The following SNTG1 variants were observed in gnomAD, a reference collection of about 807,000 sequenced individuals.
The protein encoded by SNTG1 is syntrophin gamma 1, also known as gamma-1-syntrophin.
Under a neutral mutation model 74.7 loss-of-function variants are expected in SNTG1, and 39 were observed. That is an observed-to-expected ratio of 0.52 (90% CI 0.40 to 0.68). The LOEUF is 0.68. Ranked by LOEUF, SNTG1 falls within the 30% of genes least tolerant of loss-of-function variation. The pLI, the probability that SNTG1 is intolerant of heterozygous loss-of-function variation, is 0.00. For missense variants in SNTG1, 685 were observed against 609.5 expected (o/e 1.12, Z -1.30); for synonymous variants, 254 against 217.1 (o/e 1.17, Z -1.49).
chr8:50,701,770 T>C (rs937097660), intron 15 of SNTG1, among the ~76,000 whole-genome samples: 4 of 148,034 alleles, frequency 2.7e-5, no homozygotes, highest in South Asian at 2.2e-4. Context: ...CTTCTTCTTC[T>C]TCTTTCTCTT....
chr8:49,954,547 T>C (rs1479566428), intron 1 of SNTG1, among the ~76,000 whole-genome samples: 5 of 152,190 alleles, frequency 3.3e-5, no homozygotes, highest in Admixed American at 1.3e-4. Flanking sequence ...CTGTATTTTC[T>C]CTGCAGTTTC....
intron 2 of SNTG1, among the ~76,000 whole-genome samples, chr8:50,208,917 A>G (rs2084376401): frequency 1.3e-5 from 2 of 152,190 alleles, no homozygotes; most frequent in Non-Finnish European, 1.5e-5. Context: ...GGTTCAGCCC[A>G]CGGAGCAGGG....
chr8:50,229,744 T>C (rs2085523219), intron 2 of SNTG1, among the ~76,000 whole-genome samples: 2 of 151,590 alleles, frequency 1.3e-5, no homozygotes, highest in African/African-American at 4.8e-5. Context: ...CTAATGGCTT[T>C]TTATAGAATT....
intron 18 of SNTG1, among the ~76,000 whole-genome samples, chr8:50,779,914 G>A (rs534843618): frequency 7.6e-5 from 5 of 65,420 alleles, no homozygotes; most frequent in Admixed American, 1.4e-4. Context: ...TAGCATGAAG[G>A]GTTGTTGAAT....
intron 1 of SNTG1, among the ~76,000 whole-genome samples, chr8:50,119,661 T>C (rs1460793215): frequency 7.1e-6 from 1 of 141,608 alleles, no homozygotes; most frequent in Non-Finnish European, 1.6e-5. Context: ...ATAGCTAGCA[T>C]TGAGCTAGCT....
chr8:50,028,894 T>C (rs1817509029), intron 1 of SNTG1, among the ~76,000 whole-genome samples: 1 of 152,204 alleles, frequency 6.6e-6, no homozygotes, highest in African/African-American at 2.4e-5. Flanking sequence ...AGCAACATTT[T>C]TGTGTGCTTA....
intron 2 of SNTG1, among the ~76,000 whole-genome samples, chr8:50,203,363 T>C (rs1009398004): frequency 3.9e-5 from 6 of 152,140 alleles, no homozygotes; most frequent in African/African-American, 1.4e-4. Flanking sequence ...CTCAGCTGTT[T>C]CTCTGTGTTC....
chr8:50,367,436 A>T (rs1241350686), intron 2 of SNTG1, among the ~76,000 whole-genome samples: 1 of 152,138 alleles, frequency 6.6e-6, no homozygotes, highest in African/African-American at 2.4e-5. Context: ...AACAAAATAT[A>T]TACATTAGAT....
chr8:50,654,654 A>G (rs1255117160), intron 13 of SNTG1, among the ~76,000 whole-genome samples: 1 of 152,178 alleles, frequency 6.6e-6, no homozygotes, highest in Non-Finnish European at 1.5e-5. Context: ...CTTCCAAGAA[A>G]CAAGTCTTAT....
intron 8 of SNTG1, among the ~76,000 whole-genome samples, chr8:50,491,923 C>T (rs1371591545): frequency 1.7e-5 from 2 of 119,646 alleles, no homozygotes; most frequent in Non-Finnish European, 3.3e-5. Context: ...GTGTGATGTT[C>T]CCCTTCCTAT....
At chr8:50,669,137 C>T (rs6989683) in intron 15 of SNTG1, among the ~76,000 whole-genome samples, 8,976 of 151,432 alleles carry the variant, frequency 0.059, 872 homozygotes, top group African/African-American at 0.21. Context: ...ACTAGAAAAG[C>T]GAGAGCAAAC....
intron 13 of SNTG1, among the ~76,000 whole-genome samples, chr8:50,609,541 G>A (rs529278869): frequency 9.9e-5 from 15 of 152,006 alleles, no homozygotes; most frequent in African/African-American, 3.6e-4. Context: ...GAGACTTCTT[G>A]AATTTCTTGA....
Position 50,343,950 on chromosome 8 carries a change from TG to T in SNTG1, c.-27-50260del, listed in dbSNP as rs2091395280. On this transcript the variant is annotated intron_variant, in intron 2 of 18. Transcript: ENST00000642720. ...CTAGACAATTTAGGAATAAGATGGC[TG>T]GTGTTAGTCATCTGATCAGGTAGTT... Among the ~76,000 whole-genome samples the T allele has an allele frequency of 2.0e-5, 3 of 148,432 alleles. No homozygotes were observed. In the East Asian group the frequency reaches 5.8e-4, roughly 29 times the overall value.
chr8:50,642,054 G>A (rs2095076906), intron 13 of SNTG1, among the ~76,000 whole-genome samples: 1 of 152,112 alleles, frequency 6.6e-6, no homozygotes, highest in Admixed American at 6.6e-5. Flanking sequence ...GTCTTGAAAT[G>A]TCTAAAACTG....
intron 10 of SNTG1, among the ~76,000 whole-genome samples, chr8:50,531,329 T>A (rs1381032433): frequency 1.7e-5 from 2 of 115,560 alleles, no homozygotes; most frequent in Non-Finnish European, 3.4e-5. Context: ...TCTTTGAAAC[T>A]TTTTTTTTTT....
intron 18 of SNTG1, among the ~76,000 whole-genome samples, chr8:50,756,843 A>G (rs915516486): frequency 1.3e-5 from 2 of 151,802 alleles, no homozygotes; most frequent in African/African-American, 4.8e-5. Flanking sequence ...TTAAATCTGT[A>G]GTTCAAGTTT....
chr8:50,367,884 A>C (rs187031994), intron 2 of SNTG1, among the ~76,000 whole-genome samples: 2 of 152,248 alleles, frequency 1.3e-5, no homozygotes, highest in East Asian at 3.9e-4. Context: ...CTGCTGCTAT[A>C]ACTAATACCT....
chr8:50,441,764 C>A (rs2131583746), intron 5 of SNTG1, among the ~76,000 whole-genome samples: 1 of 152,230 alleles, frequency 6.6e-6, no homozygotes, highest in African/African-American at 2.4e-5. Context: ...TTCTTCAAAT[C>A]ATCTCCAAAA....
intron 10 of SNTG1, among the ~76,000 whole-genome samples, 170 bp downstream of exon 10, chr8:50,530,429 T>A (rs1585590122): frequency 8.9e-6 from 1 of 112,652 alleles, no homozygotes; most frequent in African/African-American, 3.6e-5. Flanking sequence ...TCTTATGCCA[T>A]TTTTTTCCCC....
Sources: allele counts gnomAD v4.1 joint callset (sites outside exome capture counted in the v4.1 genomes callset), GRCh38; gene constraint gnomAD v4.1.1; transcripts MANE v1.5; gene names NCBI Gene and HGNC (gene_info 2026-07-23, HGNC 2026-07-21).